ENO4: variants seen among roughly 807,000 people sequenced by gnomAD.
ENO4 encodes 2-phospho-D-glycerate hydro-lyase.
A neutral mutation model predicts 63.2 loss-of-function variants in ENO4; 53 were observed. That is an observed-to-expected ratio of 0.84 (90% CI 0.67 to 1.05). ENO4 has a LOEUF of 1.05. Among genes scored for constraint, ENO4 ranks in the 50% least tolerant of loss-of-function variants. The pLI, the probability that ENO4 is intolerant of heterozygous loss-of-function variation, is 0.00. For synonymous variants in ENO4, 266 were observed against 283.8 expected (o/e 0.94, Z 0.63); for missense variants, 719 against 772.0 (o/e 0.93, Z 0.81).
chr10:116,872,511 T>C (rs1046450150), intron 9 of ENO4, among the ~76,000 whole-genome samples: 1 of 152,160 alleles, frequency 6.6e-6, no homozygotes, highest in Non-Finnish European at 1.5e-5. Context: ...ACACTCTCTC[T>C]TGCCTGCTGC....
rs1847010785 is a variant in ENO4, at chr10:116,881,500, T to G, written c.1724-15T>G. 6.6e-7 allele frequency: 1 copy of G among 1,525,442 alleles called. No individual in the cohort carries two copies. The highest frequency in any genetic ancestry group is 1.4e-5 in the African/African-American group (1 of 71,758). The allele number at this position is 1,525,442 out of a possible 1,614,324, so 94.5% of individuals were successfully genotyped here. A position where few individuals can be genotyped will look rare whatever the true frequency, so the allele number is the denominator to read the frequency against. On this transcript the variant is annotated splice_polypyrimidine_tract_variant and intron_variant, in intron 13 of 13. Coordinates refer to ENST00000341276, the MANE Select transcript of ENO4 (RefSeq NM_001242699.2). ...CATTGGATTAGACAGTAAACTTTATTGTTACTTTAAATAGGTTTCAAAGAA... is the reference window on the plus strand; with the variant it reads ...CATTGGATTAGACAGTAAACTTTATGGTTACTTTAAATAGGTTTCAAAGAA...
chr10:116,904,931 G>A (rs961494156), intron 10 of ENO4, among the ~76,000 whole-genome samples: 2 of 151,944 alleles, frequency 1.3e-5, no homozygotes, highest in Admixed American at 6.5e-5. Flanking sequence ...GCCGGGCGCG[G>A]TGGCTCACGC....
At chr10:116,858,916 C>T (rs1030799130) in intron 3 of ENO4, 74 bp from the exon 4 acceptor site, 2 of 997,838 alleles carry the variant, frequency 2.0e-6, no homozygotes, top group Non-Finnish European at 2.9e-6. Flanking sequence ...GGGGTCATCT[C>T]TAAAACATGA....
intron 11 of ENO4, among the ~76,000 whole-genome samples, chr10:116,877,271 C>T (rs1846865222): frequency 6.6e-6 from 1 of 152,164 alleles, no homozygotes; most frequent in African/African-American, 2.4e-5. Context: ...AAGGAGTCAA[C>T]ACCTTAACAG....
intron 9 of ENO4, among the ~76,000 whole-genome samples, chr10:116,872,055 G>T (rs893387539): frequency 3.9e-5 from 6 of 152,142 alleles, no homozygotes; most frequent in African/African-American, 1.4e-4. Context: ...AAATTAGCTG[G>T]GCGTGGTGGT....
chr10:116,859,944 T>C (rs1846366041), intron 4 of ENO4, among the ~76,000 whole-genome samples: 1 of 152,140 alleles, frequency 6.6e-6, no homozygotes, highest in African/African-American at 2.4e-5. Flanking sequence ...AAAATAATTA[T>C]GTTTGAGCAA....
chr10:116,905,327 G>C (rs1044343915), intron 10 of ENO4, among the ~76,000 whole-genome samples: 1 of 152,126 alleles, frequency 6.6e-6, no homozygotes, highest in African/African-American at 2.4e-5. Context: ...TATGTTACGG[G>C]GAGGCTGCAT....
chr10:116,849,609 G>C lies in ENO4; in HGVS notation c.43G>C (p.Glu15Gln). The change falls in exon 1 of 14, where the codon GAG (glutamate) becomes CAG (glutamine). Residue 15 changes from glutamate to glutamine, a missense_variant. Transcript: ENST00000341276. ...GGGRSCGTTR[E>Q]LQKLKQQAME... ...CGGCCGCAGCTGTGGGACCACTAGG[G>C]AGCTGCAGAAGCTGAAGCAGCAGGC... is the stretch of plus-strand genomic sequence containing the variant. 6.5e-7 allele frequency: 1 copy of C among 1,549,954 alleles called. No homozygotes were observed. Among genetic ancestry groups the C allele is most frequent in the Non-Finnish European group, 8.7e-7 (1 of 1,146,712 alleles).
At chr10:116,878,652 C>T (rs1035004801) in intron 11 of ENO4, among the ~76,000 whole-genome samples, 2 of 151,674 alleles carry the variant, frequency 1.3e-5, no homozygotes, top group Non-Finnish European at 2.9e-5. Context: ...CTTATAGCCG[C>T]GGTCTTAGAA....
At chr10:116,850,283 A>T (rs937911896) in intron 1 of ENO4, 1 of 176,310 alleles carries the variant, frequency 5.7e-6, no homozygotes, top group Non-Finnish European at 1.2e-5. Context: ...AGCCTTGCCC[A>T]CGTAGCCCTG....
At chr10:116,857,888 C>T (rs1469036784) in intron 3 of ENO4, among the ~76,000 whole-genome samples, 2 of 152,262 alleles carry the variant, frequency 1.3e-5, no homozygotes, top group South Asian at 2.1e-4. Context: ...CCACCTGCCT[C>T]GGCCTCCCAA....
At chr10:116,906,676 T>C (rs752057305) in intron 10 of ENO4, 1 of 1,613,610 alleles carries the variant, frequency 6.2e-7, no homozygotes, top group South Asian at 1.1e-5. Context: ...AAATCCTTTC[T>C]AACTCAGTTT....
In ENO4 at chr10:116,855,750, A is replaced by G. The variant is rs550443042; in HGVS notation, c.293A>G (p.Lys98Arg). 1.4e-4 allele frequency: 208 copies of G among 1,534,538 alleles called. 1 individual carries two copies. The South Asian group carries it at 2.4e-3, about 17-fold the overall frequency. The change falls in exon 2 of 14, where the codon AAG becomes AGG. Residue 98 changes from lysine (K) to arginine (R), a missense_variant and splice_region_variant. This residue lies in a region of ENO4 where 544 missense variants were observed against 583.6 expected (regional missense o/e 0.93). Transcript: ENST00000341276. ...TTCTGCACCATTCAAAACTTTCCCA[A>G]GGTATGAGGCAGTTTAAGTGTGTTC... ...DIFCTIQNFP[K>R]NVCSVVISTH...
intron 7 of ENO4, among the ~76,000 whole-genome samples, chr10:116,863,092 C>G (rs1156430642): frequency 2.0e-5 from 3 of 152,204 alleles, no homozygotes; most frequent in Non-Finnish European, 4.4e-5. Context: ...CTAAGATCAT[C>G]CCTTAGGATT....
chr10:116,881,529 C>A lies in ENO4; in HGVS notation c.1738C>A (p.His580Asn). ...QNGTLGFKEE[H>N]TFFYFNEEAE... ...ACTTTAAATAGGTTTCAAAGAAGAACACACTTTTTTTTACTTTAATGAGGA... is the reference window on the plus strand; with the variant it reads ...ACTTTAAATAGGTTTCAAAGAAGAAAACACTTTTTTTTACTTTAATGAGGA... Residue 580 changes from histidine (H) to asparagine (N), a missense_variant, in exon 14 of 14, where the codon CAC (histidine) becomes AAC (asparagine). Physicochemically the swap from His to Asn is moderately conservative, Grantham distance 68 (BLOSUM62 1). Transcript: ENST00000341276. 1 of 1,543,262 alleles carries A rather than the reference C, an allele frequency of 6.5e-7. No individual in the cohort carries two copies. Among genetic ancestry groups the A allele is most frequent in the South Asian group, 1.2e-5 (1 of 82,806 alleles).
chr10:116,851,515 C>G (rs1262706138), intron 1 of ENO4, among the ~76,000 whole-genome samples: 1 of 152,202 alleles, frequency 6.6e-6, no homozygotes, highest in Non-Finnish European at 1.5e-5. Flanking sequence ...CAGAAAAAAG[C>G]AATCTCCTTT....
At chr10:116,880,491 G>A (rs892566259) in intron 13 of ENO4, among the ~76,000 whole-genome samples, 10 of 152,070 alleles carry the variant, frequency 6.6e-5, no homozygotes, top group African/African-American at 2.2e-4. Flanking sequence ...TTGTATACTG[G>A]GTAACTAGAG....
At chr10:116,911,339 G>A (rs893519139) in intron 10 of ENO4, among the ~76,000 whole-genome samples, 2 of 152,138 alleles carry the variant, frequency 1.3e-5, no homozygotes, top group African/African-American at 2.4e-5. Context: ...TAATTGTTTC[G>A]ACTGTGAGGA....
At chr10:116,877,229 T>C (rs986402411) in intron 11 of ENO4, among the ~76,000 whole-genome samples, 1 of 152,108 alleles carries the variant, frequency 6.6e-6, no homozygotes, top group Non-Finnish European at 1.5e-5. Flanking sequence ...CCTCCTATCA[T>C]TTACTACCAC....
Sources: allele counts gnomAD v4.1 joint callset (sites outside exome capture counted in the v4.1 genomes callset), GRCh38; gene constraint gnomAD v4.1.1; regional missense constraint gnomAD v4.1.1; transcripts MANE v1.5; gene names NCBI Gene and HGNC (gene_info 2026-07-23, HGNC 2026-07-21).